The following DDIAS variants were observed in gnomAD, a reference collection of about 807,000 sequenced individuals.
DDIAS encodes the protein DNA damage-induced apoptosis suppressor protein.
A neutral mutation model predicts 15.7 loss-of-function variants in DDIAS; 14 were observed. The observed-to-expected ratio is 0.89, with a 90% CI of 0.59 to 1.39. DDIAS has a LOEUF of 1.39. DDIAS is among the 40% of genes most tolerant of loss of function. DDIAS has a pLI of 0.00. For missense variants in DDIAS, 1,035 were observed against 1,130.9 expected (o/e 0.92, Z 1.22); for synonymous variants, 355 against 395.9 (o/e 0.90, Z 1.23).
chr11:82,932,169 C>T lies in DDIAS; in HGVS notation c.831C>T (p.Ile277=), dbSNP rs1007651238. 16 of 1,614,068 alleles carry T rather than the reference C, an allele frequency of 9.9e-6. No homozygotes were observed. The African/African-American group carries it at 2.0e-4, about 20-fold the overall frequency. The change falls in exon 6 of 6, where the codon ATC becomes ATT. Residue 277 remains isoleucine, a synonymous_variant. Transcript: ENST00000533655. ...FGTLQQNRKS[I]SIAEATGSSS... ...CTCTTCAGCAGAACAGAAAGTCCAT[C>T]TCCATTGCAGAGGCCACTGGTTCCA...
rs2121371668 is a variant in DDIAS at position 82,932,358 on chromosome 11, C to G, written c.1020C>G (p.Phe340Leu). 6.2e-7 allele frequency: 1 copy of G among 1,613,996 alleles called. No individual in the cohort carries two copies. Among genetic ancestry groups the G allele is most frequent in the East Asian group, 2.2e-5 (1 of 44,882 alleles). ...TTGGAGTTAATGACTCTAATTTATT[C>G]TCTTTGGAAATGCGAGAGCCCCTTG... Reference protein sequence around the residue: ...HEIGVNDSNLFSLEMREPLES... With the variant: ...HEIGVNDSNLLSLEMREPLES... Residue 340 changes from phenylalanine (F) to leucine (L), a missense_variant, in exon 6 of 6, where the codon TTC (phenylalanine) becomes TTG (leucine). Phe to Leu is a conservative substitution (Grantham distance 22, BLOSUM62 0). Transcript: ENST00000533655.
chr11:82,909,019 C>T lies in DDIAS; in HGVS notation c.-116-4268C>T, dbSNP rs553807037. Among the ~76,000 whole-genome samples the T allele has an allele frequency of 1.5e-4, 23 of 152,300 alleles. 1 individual carries two copies. The highest frequency in any genetic ancestry group is 6.8e-3 in the Middle Eastern group (2 of 294). On this transcript the variant is annotated intron_variant, in intron 1 of 5. Coordinates refer to ENST00000533655, the MANE Select transcript of DDIAS (RefSeq NM_145018.4). ...TTGTTACAGGAAAGTAGTCCCAATTCAGACCCCCAGAGAGGCTTCTTTGAT... is the reference window on the plus strand; with the variant it reads ...TTGTTACAGGAAAGTAGTCCCAATTTAGACCCCCAGAGAGGCTTCTTTGAT...
intron 3 of DDIAS, 56 bp from the exon 4 acceptor site, chr11:82,928,718 TTCA>T (rs946181387): frequency 6.4e-7 from 1 of 1,556,532 alleles, no homozygotes; most frequent in African/African-American, 1.4e-5. Flanking sequence ...TTCTGGATTT[TTCA>T]TCATATGAAA....
rs764812138 is a variant in DDIAS, at chr11:82,932,728, A to T, written c.1390A>T (p.Thr464Ser). 1 of 1,613,978 alleles carries T rather than the reference A, an allele frequency of 6.2e-7. No individual in the cohort carries two copies. The highest frequency in any genetic ancestry group is 8.5e-7 in the Non-Finnish European group (1 of 1,180,012). ...FHADHSRLSV[T>S]PQRTTGALHT... ...TGCAGACCACAGCAGGTTATCTGTG[A>T]CTCCCCAGAGAACTACTGGAGCCCT... is the stretch of plus-strand genomic sequence containing the variant. The change falls in exon 6 of 6, where the codon ACT becomes TCT. Residue 464 changes from threonine to serine, a missense_variant. Thr to Ser is a moderately conservative substitution (Grantham distance 58, BLOSUM62 1). Transcript: ENST00000533655.
intron 3 of DDIAS, 109 bp from the exon 4 acceptor site, chr11:82,928,668 G>T (rs1246055350): frequency 2.8e-6 from 3 of 1,086,190 alleles, no homozygotes; most frequent in Non-Finnish European, 4.0e-6. Context: ...GAGTTGTGTA[G>T]GAGCATTTAT....
rs775442145 is a variant in DDIAS, at chr11:82,932,530, C to T, written c.1192C>T (p.Leu398Phe). Residue 398 changes from leucine to phenylalanine, a missense_variant, in exon 6 of 6, where the codon CTT becomes TTT. By Grantham distance (22) the Leu-to-Phe change is conservative (BLOSUM62 0). Transcript: ENST00000533655. ...SACCPPSLLR[L>F]EETASSSQDG... ...ATGTTGTCCACCTTCGTTACTCAGA[C>T]TTGAAGAGACAGCCAGCAGTTCCCA... 2 of 1,614,048 alleles carry T rather than the reference C, an allele frequency of 1.2e-6. No homozygotes were observed. The highest frequency in any genetic ancestry group is 1.7e-6 in the Non-Finnish European group (2 of 1,180,044).
intron 3 of DDIAS, among the ~76,000 whole-genome samples, chr11:82,917,215 G>A (rs10898055): frequency 1.4e-3 from 206 of 151,792 alleles, no homozygotes; most frequent in Non-Finnish European, 2.5e-3. Flanking sequence ...AAGTTCTTCA[G>A]TGGTGCTTTG....
rs377067295 is a variant in DDIAS at position 82,908,696 on chromosome 11, AAGAG to A, written c.-116-4587_-116-4584del. Among the ~76,000 whole-genome samples the A allele has an allele frequency of 6.6e-5, 10 of 152,340 alleles. No homozygotes were observed. The East Asian group carries it at 1.9e-3, about 29-fold the overall frequency. ...GTTATCTGACCTTCCTAGAACTCAG[AAGAG>A]AGAAATAACCAAATTTCCCACATGT... On this transcript the variant is annotated intron_variant, in intron 1 of 5. Coordinates refer to ENST00000533655, the MANE Select transcript of DDIAS (RefSeq NM_145018.4).
intron 3 of DDIAS, among the ~76,000 whole-genome samples, chr11:82,927,373 G>A (rs1034595375): frequency 1.3e-5 from 2 of 151,558 alleles, no homozygotes; most frequent in African/African-American, 2.4e-5. Flanking sequence ...TATATGAATG[G>A]GTTGGTATAG....
intron 2 of DDIAS, chr11:82,913,885 T>G (rs1860571552): frequency 2.4e-6 from 1 of 412,456 alleles, no homozygotes; most frequent in East Asian, 7.3e-5. Flanking sequence ...AAAATTTGTT[T>G]ATGTTTTATA....
At chr11:82,911,509 C>G (rs181411600) in intron 1 of DDIAS, among the ~76,000 whole-genome samples, 1 of 152,308 alleles carries the variant, frequency 6.6e-6, no homozygotes, top group African/African-American at 2.4e-5. Flanking sequence ...GAGATTGCAG[C>G]AATTGAGTCA....
intron 3 of DDIAS, among the ~76,000 whole-genome samples, chr11:82,916,717 G>A (rs1274195879): frequency 6.6e-6 from 1 of 152,142 alleles, no homozygotes; most frequent in Non-Finnish European, 1.5e-5. Flanking sequence ...CACTGTGCTA[G>A]GAACTTTGTG....
intron 3 of DDIAS, among the ~76,000 whole-genome samples, chr11:82,928,494 C>T (rs536189145): frequency 7.2e-5 from 11 of 152,156 alleles, no homozygotes; most frequent in East Asian, 1.9e-4. Context: ...CCACCGCGCC[C>T]GGCCTTTTCG....
In DDIAS at chr11:82,933,074, G is replaced by A. The variant is rs765755571; in HGVS notation, c.1736G>A (p.Gly579Glu). 1.9e-6 allele frequency: 3 copies of A among 1,602,760 alleles called. No individual in the cohort carries two copies. The highest frequency in any genetic ancestry group is 2.2e-5 in the East Asian group (1 of 44,804). Reference sequence around the variant, plus strand: ...AGTCTAAATAACAAATATTTGAATGGATGTGGAGAAATATCAGTTTCAGAA... The same window carrying A: ...AGTCTAAATAACAAATATTTGAATGAATGTGGAGAAATATCAGTTTCAGAA... ...HSSLNNKYLN[G>E]CGEISVSEMN... The change falls in exon 6 of 6, where the codon GGA becomes GAA. Residue 579 changes from glycine to glutamate, a missense_variant. Physicochemically the swap from Gly to Glu is moderately conservative, Grantham distance 98. Coordinates refer to ENST00000533655, the MANE Select transcript of DDIAS (RefSeq NM_145018.4).
chr11:82,909,322 C>T, intron 1 of DDIAS: 1 of 152,176 alleles, frequency 6.6e-6, no homozygotes, highest in East Asian at 1.9e-4. Context: ...TCATCACCAT[C>T]TTAGTTTTGG....
Position 82,931,888 on chromosome 11 carries a change from C to T in DDIAS, c.550C>T (p.Leu184Phe). The change falls in exon 6 of 6, where the codon CTT becomes TTT. Residue 184 changes from leucine to phenylalanine, a missense_variant. Transcript: ENST00000533655. ...TACTGTCATTGACTACTTCCATCAA[C>T]TTTTGCAGACTTTTAATTTCAGGAA... is the stretch of plus-strand genomic sequence containing the variant. ...GFTVIDYFHQ[L>F]LQTFNFRKLQ... 6.2e-7 allele frequency: 1 copy of T among 1,614,204 alleles called. No individual in the cohort carries two copies. The highest frequency in any genetic ancestry group is 8.5e-7 in the Non-Finnish European group (1 of 1,180,046).
chr11:82,928,196 T>C, intron 3 of DDIAS, among the ~76,000 whole-genome samples: 1 of 110,612 alleles, frequency 9.0e-6, no homozygotes, highest in South Asian at 3.5e-4. Context: ...TTTTTTTTTT[T>C]TTTTTTTTTT....
chr11:82,915,444 T>A (rs1385630249), intron 3 of DDIAS, among the ~76,000 whole-genome samples: 1 of 152,198 alleles, frequency 6.6e-6, no homozygotes, highest in Admixed American at 6.5e-5. Flanking sequence ...CAAGAATACC[T>A]AGTAAGTAAC....
chr11:82,905,154 G>A (rs1405476721), intron 1 of DDIAS, among the ~76,000 whole-genome samples: 1 of 152,168 alleles, frequency 6.6e-6, no homozygotes, highest in South Asian at 2.1e-4. Context: ...GTCTATTGGA[G>A]CCTTCATTCC....
Sources: allele counts gnomAD v4.1 joint callset (sites outside exome capture counted in the v4.1 genomes callset), GRCh38; gene constraint gnomAD v4.1.1; transcripts MANE v1.5; gene names NCBI Gene and HGNC (gene_info 2026-07-23, HGNC 2026-07-21).